The following NCK2 variants were observed in gnomAD, a reference collection of about 807,000 sequenced individuals.
NCK2 encodes the protein NCK adaptor protein 2.
In NCK2, 16 loss-of-function variants were observed where a neutral mutation model predicts 33.9. The ratio of observed to expected loss-of-function variants is 0.47; its 90% CI spans 0.32 to 0.72. The LOEUF (loss-of-function observed/expected upper bound fraction) is 0.72, where lower values mean the gene tolerates loss of function less well. Among genes scored for constraint, NCK2 ranks in the 30% least tolerant of loss-of-function variants. The pLI, the probability that NCK2 is intolerant of heterozygous loss-of-function variation, is 0.03. For missense variants in NCK2, 418 were observed against 537.3 expected (o/e 0.78, Z 2.19); for synonymous variants, 273 against 239.9 (o/e 1.14, Z -1.27).
chr2:105,838,921 G>T (rs1676534254), intron 2 of NCK2, among the ~76,000 whole-genome samples: 1 of 152,198 alleles, frequency 6.6e-6, no homozygotes, highest in African/African-American at 2.4e-5. Flanking sequence ...ATTAAAATGT[G>T]TGTGAAGTAA....
At chr2:105,884,118 G>C (rs1243951547) in intron 4 of NCK2, among the ~76,000 whole-genome samples, 2 of 152,190 alleles carry the variant, frequency 1.3e-5, no homozygotes, top group Non-Finnish European at 2.9e-5. Flanking sequence ...TCTCCTGACA[G>C]CAGAACCATG....
At chr2:105,772,969 G>A (rs1475333765) in intron 1 of NCK2, among the ~76,000 whole-genome samples, 2 of 148,310 alleles carry the variant, frequency 1.3e-5, no homozygotes, top group African/African-American at 5.0e-5. Context: ...ATGGCTCACT[G>A]ATGCCTTGAA....
intron 4 of NCK2, among the ~76,000 whole-genome samples, chr2:105,891,566 TTTGA>T (rs1678983277): frequency 9.1e-5 from 1 of 11,022 alleles, no homozygotes; most frequent in African/African-American, 6.4e-4. Flanking sequence ...TTTTTTTTTT[TTTGA>T]GATTTTTCGC....
chr2:105,779,079 G>T (rs576966318), intron 1 of NCK2, among the ~76,000 whole-genome samples: 1 of 152,282 alleles, frequency 6.6e-6, no homozygotes, highest in Non-Finnish European at 1.5e-5. Context: ...GGCTGAGGCA[G>T]GTGGATCACT....
At chr2:105,891,518 G>A (rs1447311475) in intron 4 of NCK2, among the ~76,000 whole-genome samples, 7 of 136,532 alleles carry the variant, frequency 5.1e-5, no homozygotes, top group African/African-American at 1.9e-4. Flanking sequence ...TTCAGCAAAT[G>A]AGATAAAAGA....
rs116684482 is a variant in NCK2, at chr2:105,878,130, G to T, written c.227-3198G>T. Among the ~76,000 whole-genome samples the T allele has an allele frequency of 9.5e-3, 1,448 of 152,330 alleles. 20 individuals are homozygous for T. The highest frequency in any genetic ancestry group is 0.033 in the African/African-American group (1,372 of 41,580). On this transcript the variant is annotated intron_variant, in intron 3 of 4. Coordinates refer to ENST00000233154, the MANE Select transcript of NCK2 (RefSeq NM_003581.5). ...GATCATGGCCAAGTGTTTTTAAAGA[G>T]GACTTTGGCCCTCTTTTGGTAAAGT...
intron 2 of NCK2, among the ~76,000 whole-genome samples, chr2:105,822,730 A>G (rs1180698156): frequency 6.6e-6 from 1 of 152,036 alleles, no homozygotes; most frequent in Non-Finnish European, 1.5e-5. Flanking sequence ...CTGAATACAT[A>G]ACATTCCATT....
intron 3 of NCK2, among the ~76,000 whole-genome samples, chr2:105,870,147 C>T (rs1396541172): frequency 6.6e-6 from 1 of 152,226 alleles, no homozygotes; most frequent in Non-Finnish European, 1.5e-5. Context: ...GGAAGACACT[C>T]GGCCCCACCT....
intron 2 of NCK2, among the ~76,000 whole-genome samples, chr2:105,829,948 G>A (rs1676103059): frequency 1.3e-5 from 2 of 151,938 alleles, no homozygotes; most frequent in African/African-American, 2.4e-5. Flanking sequence ...GATACATTTT[G>A]TTTTCTTCAC....
chr2:105,820,595 G>A (rs752876777), intron 2 of NCK2, among the ~76,000 whole-genome samples: 9 of 152,152 alleles, frequency 5.9e-5, no homozygotes, highest in Non-Finnish European at 1.0e-4. Flanking sequence ...TTGGGGGAGC[G>A]GAGACCATAG....
intron 1 of NCK2, among the ~76,000 whole-genome samples, chr2:105,762,944 T>A (rs1008808755): frequency 8.5e-5 from 13 of 152,172 alleles, no homozygotes; most frequent in African/African-American, 3.1e-4. Flanking sequence ...CCTGTAATCC[T>A]AGCACTTTGG....
At chr2:105,776,260 G>C (rs1248153497) in intron 1 of NCK2, among the ~76,000 whole-genome samples, 1 of 152,234 alleles carries the variant, frequency 6.6e-6, no homozygotes, top group East Asian at 1.9e-4. Context: ...TACATCCTGG[G>C]TTTTCTGTAA....
At chr2:105,868,654 G>A (rs1677855872) in intron 3 of NCK2, among the ~76,000 whole-genome samples, 1 of 152,230 alleles carries the variant, frequency 6.6e-6, no homozygotes, top group Non-Finnish European at 1.5e-5. Flanking sequence ...TGGCGAGAAA[G>A]GTTGGTTGTG....
chr2:105,816,319 A>AT (rs1466247635), intron 1 of NCK2, 111 bp from the exon 2 acceptor site: 1 of 152,146 alleles, frequency 6.6e-6, no homozygotes, highest in African/African-American at 2.4e-5. Flanking sequence ...AAATAAATAA[A>AT]TAACAAAAAA....
intron 1 of NCK2, among the ~76,000 whole-genome samples, chr2:105,797,508 C>G (rs1326206311): frequency 6.6e-6 from 1 of 152,202 alleles, no homozygotes; most frequent in Non-Finnish European, 1.5e-5. Context: ...AAGGGAGGTT[C>G]TTAAATTCTC....
At chr2:105,856,055 C>T (rs539029196) in intron 3 of NCK2, among the ~76,000 whole-genome samples, 1 of 152,162 alleles carries the variant, frequency 6.6e-6, no homozygotes, top group Admixed American at 6.5e-5. Flanking sequence ...AGGATGATCT[C>T]GATCTCTTGA....
At chr2:105,798,483 C>G (rs566907412) in intron 1 of NCK2, among the ~76,000 whole-genome samples, 1 of 152,090 alleles carries the variant, frequency 6.6e-6, no homozygotes, top group Non-Finnish European at 1.5e-5. Context: ...AAACAGTGAA[C>G]CAGTTTGGGG....
intron 1 of NCK2, among the ~76,000 whole-genome samples, chr2:105,751,464 A>G (rs1689453404): frequency 6.6e-6 from 1 of 152,182 alleles, no homozygotes; most frequent in South Asian, 2.1e-4. Flanking sequence ...CAGTGACTCA[A>G]GTCCCCAGCA....
At chr2:105,863,139 G>C (rs1266694329) in intron 3 of NCK2, among the ~76,000 whole-genome samples, 2 of 152,188 alleles carry the variant, frequency 1.3e-5, no homozygotes, top group African/African-American at 4.8e-5. Context: ...TCTGCTTCTT[G>C]CTGGGTCACC....
Sources: gnomAD v4.1 joint callset for allele counts (sites outside exome capture counted in the v4.1 genomes callset) on GRCh38, gnomAD v4.1.1 for gene constraint, MANE v1.5 for transcripts, NCBI Gene and HGNC (gene_info 2026-07-23, HGNC 2026-07-21) for gene names.